MUCL1: variants seen among roughly 807,000 people sequenced by gnomAD.
The protein encoded by MUCL1 is mucin like 1.
MUCL1 carries 11 observed loss-of-function variants against 9.2 expected under a neutral mutation model. The observed-to-expected ratio is 1.19, with a 90% CI of 0.75 to 1.97. The LOEUF (loss-of-function observed/expected upper bound fraction) is 1.97, where lower values mean the gene tolerates loss of function less well. MUCL1 is among the 30% of genes most tolerant of loss of function. MUCL1 has a pLI of 0.00. For missense variants in MUCL1, 144 were observed against 110.9 expected, an observed-to-expected ratio of 1.30 and a Z score of -1.34; for synonymous variants, 48 against 40.5, an observed-to-expected ratio of 1.19 and a Z score of -0.71.
upstream of MUCL1, chr12:54,839,296 G>T: frequency 1.4e-6 from 1 of 689,658 alleles, no homozygotes; most frequent in Non-Finnish European, 2.6e-6. Flanking sequence ...GAATGGTGGG[G>T]GTGTCTTGAA....
chr12:54,835,330 A>T (rs1959191196), upstream of MUCL1, among the ~76,000 whole-genome samples: 1 of 152,112 alleles, frequency 6.6e-6, no homozygotes. Flanking sequence ...AGAACTCTCC[A>T]TACTGTTTTC....
In MUCL1 at chr12:54,858,290, T is replaced by C; in HGVS notation, c.*48T>C. On this transcript the variant is annotated 3_prime_UTR_variant, in exon 4 of 4. Coordinates refer to ENST00000308796, the MANE Select transcript of MUCL1 (RefSeq NM_058173.3). Reference sequence around the variant, plus strand: ...TGCAATTGGTCACAACTATTCATGCTTCCTGTGATTTCATCCAACTACTTA... The same window carrying C: ...TGCAATTGGTCACAACTATTCATGCCTCCTGTGATTTCATCCAACTACTTA... The C allele has an allele frequency of 6.2e-7, 1 of 1,608,324 alleles. No individual in the cohort carries two copies. Among genetic ancestry groups the C allele is most frequent in the Non-Finnish European group, 8.5e-7 (1 of 1,174,964 alleles).
upstream of MUCL1, among the ~76,000 whole-genome samples, chr12:54,854,310 A>G (rs1868280964): frequency 1.3e-5 from 2 of 152,192 alleles, 1 homozygote; most frequent in South Asian, 4.1e-4. Context: ...GAGCATATTT[A>G]ACATGAGAGA....
At chr12:54,832,179 T>C (rs1229086792) in intron 1 of MUCL1, among the ~76,000 whole-genome samples, 1 of 152,064 alleles carries the variant, frequency 6.6e-6, no homozygotes, top group Admixed American at 6.6e-5. Context: ...GAAATTTATG[T>C]GTAGTCAAGC....
chr12:54,852,871 T>C (rs1346340522), upstream of MUCL1, among the ~76,000 whole-genome samples: 2 of 152,302 alleles, frequency 1.3e-5, no homozygotes, highest in East Asian at 3.9e-4. Flanking sequence ...TCTCTTTCAC[T>C]TTTCCTTCAG....
chr12:54,830,985 G>A (rs1000935613), intron 1 of MUCL1: 3 of 152,186 alleles, frequency 2.0e-5, no homozygotes, highest in Admixed American at 6.5e-5. Context: ...ACAAATGTTG[G>A]TGAACAGATA....
At chr12:54,847,325 G>A (rs556193376) in intron 1 of MUCL1, among the ~76,000 whole-genome samples, 7 of 152,272 alleles carry the variant, frequency 4.6e-5, no homozygotes, top group East Asian at 1.9e-4. Context: ...CAAGCAAAGA[G>A]CAAAGAAAGG....
At chr12:54,835,877 C>T (rs1213409626), upstream of MUCL1, among the ~76,000 whole-genome samples, 1 of 152,050 alleles carries the variant, frequency 6.6e-6, no homozygotes, top group East Asian at 1.9e-4. Context: ...ATAAATTCTG[C>T]CACATTTATT....
intron 3 of MUCL1, among the ~76,000 whole-genome samples, chr12:54,857,500 G>A (rs1226306375): frequency 6.6e-6 from 1 of 151,940 alleles, no homozygotes; most frequent in Admixed American, 6.6e-5. Flanking sequence ...CTTTCACATA[G>A]TATTGATTAC....
At chr12:54,852,199 G>A (rs1185707963), upstream of MUCL1, among the ~76,000 whole-genome samples, 1 of 152,138 alleles carries the variant, frequency 6.6e-6, no homozygotes, top group African/African-American at 2.4e-5. Flanking sequence ...ACATTGCCAA[G>A]TCAATCCTAA....
At chr12:54,838,728 C>T (rs886349306), upstream of MUCL1, among the ~76,000 whole-genome samples, 1 of 152,184 alleles carries the variant, frequency 6.6e-6, no homozygotes, top group African/African-American at 2.4e-5. Context: ...CTTTCCATTG[C>T]ACTTTGTAAT....
At chr12:54,848,738 G>A (rs1057182996) in intron 1 of MUCL1, among the ~76,000 whole-genome samples, 1 of 152,106 alleles carries the variant, frequency 6.6e-6, no homozygotes, top group African/African-American at 2.4e-5. Flanking sequence ...TGGCATAACA[G>A]TCCAGCAAAA....
At chr12:54,855,051 C>A (rs368537009) in intron 1 of MUCL1, 65 bp from the exon 2 acceptor site, 3 of 1,402,300 alleles carry the variant, frequency 2.1e-6, no homozygotes, top group East Asian at 2.3e-5. Flanking sequence ...TCCATATTCT[C>A]TCTTACCTCC....
chr12:54,855,065 C>G (rs1389992224), intron 1 of MUCL1, 51 bp from the exon 2 acceptor site: 20 of 1,530,544 alleles, frequency 1.3e-5, no homozygotes, highest in Non-Finnish European at 1.6e-5. Flanking sequence ...TACCTCCATC[C>G]TCCAAACTGG....
intron 1 of MUCL1, among the ~76,000 whole-genome samples, chr12:54,842,209 G>A (rs1183453007): frequency 6.6e-6 from 1 of 151,720 alleles, no homozygotes; most frequent in Non-Finnish European, 1.5e-5. Flanking sequence ...TTGAACATCT[G>A]TATTTATTAC....
chr12:54,832,569 C>T (rs1374244033), intron 1 of MUCL1, among the ~76,000 whole-genome samples: 1 of 152,030 alleles, frequency 6.6e-6, no homozygotes, highest in Non-Finnish European at 1.5e-5. Context: ...ACTGTTGTTT[C>T]ATGGTGGCCT....
At chr12:54,856,745 C>A in intron 2 of MUCL1, 25 bp from the exon 3 acceptor site, 1 of 1,588,570 alleles carries the variant, frequency 6.3e-7, no homozygotes, top group East Asian at 2.3e-5. Context: ...TCAGTCTCAC[C>A]TAGAGCTTTT....
At chr12:54,839,819 T>C (rs1264509423) in intron 1 of MUCL1, among the ~76,000 whole-genome samples, 1 of 152,088 alleles carries the variant, frequency 6.6e-6, no homozygotes, top group Non-Finnish European at 1.5e-5. Flanking sequence ...ATAGGAGAAG[T>C]TCCAACTGTG....
chr12:54,846,149 C>T (rs911153880), intron 1 of MUCL1, among the ~76,000 whole-genome samples: 3 of 152,178 alleles, frequency 2.0e-5, no homozygotes, highest in African/African-American at 7.2e-5. Context: ...CACTGGCCCT[C>T]TATGCTTGCC....
Sources: allele counts gnomAD v4.1 joint callset (sites outside exome capture counted in the v4.1 genomes callset), GRCh38; gene constraint gnomAD v4.1.1; transcripts MANE v1.5; gene names NCBI Gene and HGNC (gene_info 2026-07-23, HGNC 2026-07-21).